ARHGAP6: variants seen among roughly 807,000 people sequenced by gnomAD.
ARHGAP6 encodes the protein rho GTPase-activating protein 6.
ARHGAP6 carries 16 observed loss-of-function variants against 55.7 expected under a neutral mutation model. The ratio of observed to expected loss-of-function variants is 0.29; its 90% CI spans 0.19 to 0.44. ARHGAP6 has a LOEUF of 0.44. Among genes scored for constraint, ARHGAP6 ranks in the 20% least tolerant of loss-of-function variants. The pLI is 1.00. For missense variants in ARHGAP6, 698 were observed against 808.9 expected (o/e 0.86, Z 1.66); for synonymous variants, 382 against 360.9 (o/e 1.06, Z -0.66).
intron 8 of ARHGAP6, among the ~76,000 whole-genome samples, chrX:11,171,194 A>C: frequency 9.0e-6 from 1 of 111,283 alleles, no homozygotes. Flanking sequence ...TATATTAATA[A>C]TTAGAAAGCA....
chrX:11,400,529 A>T (rs1468075585), intron 1 of ARHGAP6, among the ~76,000 whole-genome samples: 1 of 102,075 alleles, frequency 9.8e-6, no homozygotes, highest in Non-Finnish European at 2.0e-5. Flanking sequence ...GGCTAAAAGC[A>T]CTGTCGTTTA....
At chrX:11,376,661 A>G (rs1014206292) in intron 1 of ARHGAP6, among the ~76,000 whole-genome samples, 1 of 112,942 alleles carries the variant, frequency 8.9e-6, no homozygotes, top group Non-Finnish European at 1.9e-5. Flanking sequence ...TATTGCATCA[A>G]TAGAAGACTA....
intron 1 of ARHGAP6, among the ~76,000 whole-genome samples, chrX:11,484,376 C>T (rs181291074): frequency 8.4e-5 from 8 of 95,785 alleles, no homozygotes; most frequent in East Asian, 3.2e-4. Flanking sequence ...GAAGGAGAAT[C>T]GAAGGAGGAG....
intron 1 of ARHGAP6, among the ~76,000 whole-genome samples, chrX:11,622,775 G>C (rs2052245089): frequency 9.0e-6 from 1 of 111,190 alleles, no homozygotes; most frequent in Non-Finnish European, 1.9e-5. Context: ...TATTAACCTT[G>C]AAATGTGTAT....
chrX:11,144,602 A>G (rs2045665065), intron 10 of ARHGAP6, among the ~76,000 whole-genome samples: 1 of 112,557 alleles, frequency 8.9e-6, no homozygotes, highest in Non-Finnish European at 1.9e-5. Context: ...GATGCTCACT[A>G]TCTATTAGGT....
intron 1 of ARHGAP6, among the ~76,000 whole-genome samples, chrX:11,270,334 G>A (rs1209139054): frequency 9.0e-6 from 1 of 111,651 alleles, no homozygotes; most frequent in Non-Finnish European, 1.9e-5. Flanking sequence ...TCTGCAACTG[G>A]GAGAATTTTG....
intron 1 of ARHGAP6, among the ~76,000 whole-genome samples, chrX:11,562,267 C>T (rs751907975): frequency 8.9e-6 from 1 of 111,931 alleles, no homozygotes; most frequent in South Asian, 3.8e-4. Context: ...TGAAAATTGC[C>T]TTTCAAAACT....
chrX:11,252,303 T>C (rs1488627463), intron 2 of ARHGAP6, among the ~76,000 whole-genome samples: 1 of 112,745 alleles, frequency 8.9e-6, no homozygotes, highest in Non-Finnish European at 1.9e-5. Context: ...TTCTCTTCAC[T>C]ACAAATTAAG....
chrX:11,411,205 AT>A (rs1880846640), intron 1 of ARHGAP6, among the ~76,000 whole-genome samples: 3 of 82,556 alleles, frequency 3.6e-5, no homozygotes, highest in Non-Finnish European at 6.9e-5. Flanking sequence ...ATATATATAT[AT>A]ATATATATAT....
Position 11,144,173 on chromosome X carries a change from G to A in ARHGAP6, c.1983C>T (p.Ala661=). 5.0e-6 allele frequency: 6 copies of A among 1,211,917 alleles called. No individual in the cohort carries two copies. Among genetic ancestry groups the A allele is most frequent in the Non-Finnish European group, 6.7e-6 (6 of 895,548 alleles). ...CATAAGGGGAGATGTCTCCGCTGGA[G>A]GCCTTGTTGGAGTCTGTAGATGAAT... ...GRHSSTDSNK[A]SSGDISPYDN... is the part of the protein sequence containing the mutation. Residue 661 remains alanine (A), a synonymous_variant, in exon 11 of 13, where the codon GCC becomes GCT. Coordinates refer to ENST00000337414, the MANE Select transcript of ARHGAP6 (RefSeq NM_013427.3).
chrX:11,408,286 C>A (rs16986452), intron 1 of ARHGAP6, among the ~76,000 whole-genome samples: 3,722 of 110,610 alleles, frequency 0.034, 125 homozygotes, highest in African/African-American at 0.1. Flanking sequence ...AAATCGCAAC[C>A]AGATTCTCAA....
intron 1 of ARHGAP6, among the ~76,000 whole-genome samples, chrX:11,288,408 C>T (rs1251978028): frequency 8.9e-6 from 1 of 112,163 alleles, no homozygotes; most frequent in Non-Finnish European, 1.9e-5. Context: ...CGTGTTTAGC[C>T]TTTTAATCTA....
At position 11,522,455 on chromosome X, in the gene ARHGAP6, T is replaced by A. The variant is rs750970701; in HGVS notation, c.588+141786A>T. On this transcript the variant is annotated intron_variant, in intron 1 of 12. Transcript: ENST00000337414. ...AATCAACGAATCCAGGAGCTGGTTT[T>A]TTGAAAAGATCAACAAAATCGATAG... Among the ~76,000 whole-genome samples, 3 of 111,341 alleles carry A rather than the reference T, an allele frequency of 2.7e-5. No homozygotes were observed. In the Admixed American group the frequency reaches 2.9e-4, roughly 11 times the overall value.
intron 1 of ARHGAP6, among the ~76,000 whole-genome samples, chrX:11,515,168 T>C (rs1302861085): frequency 3.6e-5 from 4 of 111,969 alleles, no homozygotes; most frequent in Admixed American, 1.9e-4. Context: ...CCAAGATAGA[T>C]TGTCTTACAT....
At chrX:11,184,264 T>A (rs192711301) in intron 5 of ARHGAP6, among the ~76,000 whole-genome samples, 2 of 112,677 alleles carry the variant, frequency 1.8e-5, no homozygotes, top group Admixed American at 9.4e-5. Flanking sequence ...TGTATTTTTT[T>A]AAATATAGAA....
rs1302564475 is a variant in ARHGAP6 at position 11,484,078 on chromosome X, A to C, written c.588+180163T>G. ...GCCTGGTTCCACTTCTCTTAAATTT[A>C]AAAACCTAGAGAATAAGGTATTCCA... On this transcript the variant is annotated intron_variant, in intron 1 of 12. Transcript: ENST00000337414. Among the ~76,000 whole-genome samples, 14 of 112,127 alleles carry C rather than the reference A, an allele frequency of 1.2e-4. No individual in the cohort carries two copies. In the Admixed American group the frequency reaches 1.3e-3, roughly 11 times the overall value.
intron 1 of ARHGAP6, among the ~76,000 whole-genome samples, chrX:11,319,795 T>C (rs2048408881): frequency 8.9e-6 from 1 of 112,441 alleles, no homozygotes; most frequent in African/African-American, 3.2e-5. Flanking sequence ...CTTTGGCTTC[T>C]AACTTGATGT....
intron 1 of ARHGAP6, among the ~76,000 whole-genome samples, chrX:11,413,043 G>A (rs1049158884): frequency 3.6e-5 from 4 of 112,019 alleles, no homozygotes; most frequent in African/African-American, 9.7e-5. Context: ...GTGCTGACCC[G>A]GTTTCTATTT....
chrX:11,197,484 G>T (rs1317747410), intron 2 of ARHGAP6, among the ~76,000 whole-genome samples: 2 of 111,716 alleles, frequency 1.8e-5, no homozygotes. Context: ...ATGTGACTTT[G>T]GACAAGTCTT....
Sources: allele counts gnomAD v4.1 joint callset (sites outside exome capture counted in the v4.1 genomes callset), GRCh38; gene constraint gnomAD v4.1.1; transcripts MANE v1.5; gene names NCBI Gene and HGNC (gene_info 2026-07-23, HGNC 2026-07-21).